Variants in TUNAR observed in about 807,000 individuals in gnomAD.
The protein encoded by TUNAR is protein TUNAR.
chr14:95,924,753 C>T (rs1475687441), exon 3 of TUNAR: 1 of 152,208 alleles, frequency 6.6e-6, no homozygotes, highest in East Asian at 1.9e-4. Flanking sequence ...CACCGGGTCC[C>T]TCCCACAACA....
intron 2 of TUNAR, among the ~76,000 whole-genome samples, chr14:95,914,906 A>G (rs889962151): frequency 6.6e-6 from 1 of 152,224 alleles, no homozygotes; most frequent in East Asian, 1.9e-4. Flanking sequence ...TTCCGTATCA[A>G]TTTTTCAAAA....
intron 2 of TUNAR, among the ~76,000 whole-genome samples, chr14:95,918,889 G>T (rs1396222126): frequency 6.6e-6 from 1 of 152,162 alleles, no homozygotes; most frequent in Admixed American, 6.5e-5. Flanking sequence ...ACTGGGAGAT[G>T]CCAGGTTGCC....
intron 2 of TUNAR, among the ~76,000 whole-genome samples, chr14:95,918,068 C>T (rs534473352): frequency 1.7e-3 from 253 of 152,180 alleles, no homozygotes; most frequent in African/African-American, 5.8e-3. Context: ...ATTGACTGGC[C>T]CCAGCCTTTG....
intron 2 of TUNAR, among the ~76,000 whole-genome samples, chr14:95,904,705 C>A (rs1469204585): frequency 1.3e-5 from 2 of 152,186 alleles, no homozygotes; most frequent in African/African-American, 2.4e-5. Flanking sequence ...AGGTGGGGAG[C>A]CCCTTCCAGG....
At chr14:95,892,383 C>T (rs916338182) in intron 2 of TUNAR, among the ~76,000 whole-genome samples, 5 of 152,256 alleles carry the variant, frequency 3.3e-5, no homozygotes, top group East Asian at 1.9e-4. Flanking sequence ...GCTGCAAGTG[C>T]GTGGCCTCAG....
intron 2 of TUNAR, among the ~76,000 whole-genome samples, chr14:95,915,030 G>A (rs1421514398): frequency 2.0e-5 from 3 of 152,178 alleles, no homozygotes; most frequent in Non-Finnish European, 4.4e-5. Context: ...TTAAAGCAAA[G>A]GGCTTTCCTG....
At chr14:95,914,934 C>T (rs1306106235) in intron 2 of TUNAR, among the ~76,000 whole-genome samples, 3 of 152,156 alleles carry the variant, frequency 2.0e-5, no homozygotes, top group African/African-American at 7.2e-5. Context: ...TGCTCCCTTG[C>T]AGAGGATAAC....
intron 2 of TUNAR, among the ~76,000 whole-genome samples, chr14:95,902,823 C>T (rs1028838779): frequency 7.2e-5 from 11 of 152,184 alleles, no homozygotes; most frequent in African/African-American, 2.4e-4. Flanking sequence ...TTCCCTGCAT[C>T]GTTTCAACTT....
Position 95,905,914 on chromosome 14 carries a change from C to CAT in TUNAR, c.13-16866_13-16865dup, listed in dbSNP as rs373473019. Among the ~76,000 whole-genome samples the CAT allele has an allele frequency of 3.4e-3, 513 of 152,300 alleles. 2 individuals are homozygous for CAT. The highest frequency in any genetic ancestry group is 0.012 in the African/African-American group (499 of 41,564). On this transcript the variant is annotated intron_variant, in intron 2 of 2. Transcript: ENST00000678517. ...ACTTATGTCAATGAAAACTCATAGA[C>CAT]ATTTCTTTTATCCTGTGATTTATAA... is the stretch of plus-strand genomic sequence containing the variant.
chr14:95,897,289 G>T (rs1010578402), intron 2 of TUNAR, among the ~76,000 whole-genome samples: 1 of 152,188 alleles, frequency 6.6e-6, no homozygotes, highest in Non-Finnish European at 1.5e-5. Context: ...ATCCACTGCC[G>T]TACTAGTGGC....
chr14:95,910,167 T>A (rs17093539), intron 2 of TUNAR, among the ~76,000 whole-genome samples: 2,202 of 152,308 alleles, frequency 0.014, 65 homozygotes, highest in African/African-American at 0.05. Context: ...TCTCAATTCC[T>A]TATCTCTAAA....
chr14:95,921,211 GACAC>G (rs987683905), intron 2 of TUNAR, among the ~76,000 whole-genome samples: 11 of 152,176 alleles, frequency 7.2e-5, no homozygotes, highest in African/African-American at 2.4e-4. Context: ...ATCTCATCCT[GACAC>G]ACACACCCAG....
chr14:95,881,454 C>T (rs1417106917), intron 2 of TUNAR, among the ~76,000 whole-genome samples: 1 of 152,188 alleles, frequency 6.6e-6, no homozygotes, highest in Non-Finnish European at 1.5e-5. Flanking sequence ...GAAAAAGGGA[C>T]ACAATAAAAG....
At chr14:95,881,711 T>C (rs1021578411) in intron 2 of TUNAR, among the ~76,000 whole-genome samples, 10 of 152,264 alleles carry the variant, frequency 6.6e-5, no homozygotes, top group African/African-American at 2.2e-4. Context: ...GTCACCCATG[T>C]GAGTATAGCT....
At chr14:95,893,821 C>T (rs888428136) in intron 2 of TUNAR, among the ~76,000 whole-genome samples, 3 of 152,358 alleles carry the variant, frequency 2.0e-5, no homozygotes, top group South Asian at 2.1e-4. Flanking sequence ...CAAAGCTGCT[C>T]ATGGACACTG....
At chr14:95,924,346 A>G (rs535500167) in exon 3 of TUNAR, 10 of 152,310 alleles carry the variant, frequency 6.6e-5, no homozygotes, top group African/African-American at 1.4e-4. Context: ...ACATGAAGCT[A>G]TTTCCTCTCT....
chr14:95,901,240 T>C (rs561723281), intron 2 of TUNAR, among the ~76,000 whole-genome samples: 3 of 152,336 alleles, frequency 2.0e-5, no homozygotes, highest in African/African-American at 4.8e-5. Context: ...AGGTGATTCA[T>C]GCAGCCCCGG....
At chr14:95,887,840 T>A (rs1889103773) in intron 2 of TUNAR, among the ~76,000 whole-genome samples, 1 of 152,200 alleles carries the variant, frequency 6.6e-6, no homozygotes, top group African/African-American at 2.4e-5. Context: ...TCTGTGTGGT[T>A]ATTCAGGGTA....
chr14:95,916,765 G>A (rs952065558), intron 2 of TUNAR, among the ~76,000 whole-genome samples: 2 of 152,156 alleles, frequency 1.3e-5, no homozygotes, highest in African/African-American at 2.4e-5. Context: ...CCCTGCTACC[G>A]TACAGACTCT....
Sources: gnomAD v4.1 joint callset for allele counts (sites outside exome capture counted in the v4.1 genomes callset) on GRCh38, gnomAD v4.1.1 for gene constraint, MANE v1.5 for transcripts, NCBI Gene and HGNC (gene_info 2026-07-23, HGNC 2026-07-21) for gene names.